KIF13A: variants seen among roughly 807,000 people sequenced by gnomAD.
KIF13A encodes the protein kinesin family member 13A.
In KIF13A, 79 loss-of-function variants were observed where a neutral mutation model predicts 212.2. The observed-to-expected ratio is 0.37, with a 90% CI of 0.31 to 0.45. KIF13A has a LOEUF of 0.45. Among genes scored for constraint, KIF13A ranks in the 20% least tolerant of loss-of-function variants. KIF13A has a pLI of 1.00. For synonymous variants in KIF13A, 789 were observed against 808.6 expected (o/e 0.98, Z 0.41); for missense variants, 1,901 against 2,209.0 (o/e 0.86, Z 2.79).
rs139690937 is a variant in KIF13A at position 17,870,624 on chromosome 6, T to A, written c.220+2753A>T. 9.4e-3 allele frequency among the ~76,000 whole-genome samples: 1,439 copies of A among 152,316 alleles called. 88 individuals are homozygous for A. The highest frequency in any genetic ancestry group is 0.082 in the Admixed American group (1,261 of 15,288). On this transcript the variant is annotated intron_variant, in intron 4 of 38. Transcript: ENST00000259711. ...AACCACCTCACTCCAATAGCCCCTA[T>A]TTTTCACCATATTAGTCTGAAGTTC...
At chr6:17,975,284 T>C (rs540014703) in intron 2 of KIF13A, among the ~76,000 whole-genome samples, 1 of 152,076 alleles carries the variant, frequency 6.6e-6, no homozygotes, top group East Asian at 1.9e-4. Flanking sequence ...ATCTGGGAGG[T>C]GAAGGTTGCA....
Position 17,971,430 on chromosome 6 carries a change from CT to C in KIF13A, c.146+15623del, listed in dbSNP as rs926969519. Among the ~76,000 whole-genome samples the C allele has an allele frequency of 1.7e-4, 26 of 150,178 alleles. No individual in the cohort carries two copies. Among genetic ancestry groups the C allele is most frequent in the Middle Eastern group, 6.8e-3 (2 of 292 alleles). On this transcript the variant is annotated intron_variant, in intron 2 of 38. Coordinates refer to ENST00000259711, the MANE Select transcript of KIF13A (RefSeq NM_022113.6). This position sits in a 1 kb window ranked among gnomAD's most constrained non-coding sequence, Gnocchi z 4.2. The stretch of plus-strand genomic sequence containing the variant: ...AATTTAGTAGCGGTTTGTTTTTTTC[CT>C]TTTTTTTTGACACAGGGTCTCACTC...
chr6:17,788,440 G>A (rs1761241736), intron 26 of KIF13A, among the ~76,000 whole-genome samples: 1 of 152,136 alleles, frequency 6.6e-6, no homozygotes, highest in African/African-American at 2.4e-5. Flanking sequence ...CATGCAGTCA[G>A]CCATGCTTTA....
At position 17,772,182 on chromosome 6, in the gene KIF13A, T is replaced by C; in HGVS notation, c.4325-123A>G. 2.1e-6 allele frequency: 2 copies of C among 931,348 alleles called. No individual in the cohort carries two copies. Among genetic ancestry groups the C allele is most frequent in the South Asian group, 3.3e-5 (2 of 60,706 alleles). 57.7% of individuals were successfully genotyped at this position (931,348 alleles called of 1,614,324 possible). A position where few individuals can be genotyped will look rare whatever the true frequency, so the allele number is the denominator to read the frequency against. ...AACAATGAAATTCATAGGCTAATAT[T>C]TGGCTAAGCATTAAAACAGATGTAT... On this transcript the variant is annotated intron_variant, in intron 36 of 38. Transcript: ENST00000259711. This position sits in a 1 kb window ranked among gnomAD's most constrained non-coding sequence, Gnocchi z 4.8.
At chr6:17,873,193 A>G in intron 4 of KIF13A, 184 bp downstream of exon 4, 1 of 522,766 alleles carries the variant, frequency 1.9e-6, no homozygotes, top group Non-Finnish European at 3.4e-6. Flanking sequence ...GGATTTTACA[A>G]GTAAGTGGCA....
At chr6:17,852,915 A>C (rs1018454078) in intron 6 of KIF13A, among the ~76,000 whole-genome samples, 3 of 152,182 alleles carry the variant, frequency 2.0e-5, no homozygotes, top group African/African-American at 7.2e-5. Flanking sequence ...GCTCTTTTGA[A>C]TTTTTAAATG....
At position 17,772,037 on chromosome 6, in the gene KIF13A, A is replaced by T; in HGVS notation, c.4347T>A (p.His1449Gln). 1 of 1,613,970 alleles carries T rather than the reference A, an allele frequency of 6.2e-7. No individual in the cohort carries two copies. Among genetic ancestry groups the T allele is most frequent in the Admixed American group, 1.7e-5 (1 of 60,030 alleles). Residue 1449 changes from histidine (H) to glutamine (Q), a missense_variant, in exon 37 of 39, where the codon CAT becomes CAA. This residue lies in a region of KIF13A where 687 missense variants were observed against 759.1 expected (regional missense o/e 0.90). Transcript: ENST00000259711. The surrounding 1 kb of genome is among the most constrained non-coding windows in gnomAD (Gnocchi z 4.8). ...NKEGCTSETP[H>Q]ALTVSPFKAF... ...CTTTAAAAGGGCTGACGGTTAAGGCATGAGGAGTCTCTGATGTACAACCTA... is the reference window on the plus strand; with the variant it reads ...CTTTAAAAGGGCTGACGGTTAAGGCTTGAGGAGTCTCTGATGTACAACCTA...
intron 2 of KIF13A, among the ~76,000 whole-genome samples, chr6:17,909,505 A>T (rs1773832875): frequency 6.6e-6 from 1 of 150,740 alleles, no homozygotes; most frequent in African/African-American, 2.4e-5. Context: ...ACTGCACTCC[A>T]GCCTGGGCAA....
intron 2 of KIF13A, among the ~76,000 whole-genome samples, chr6:17,976,442 T>C (rs1396346769): frequency 6.6e-6 from 1 of 152,162 alleles, no homozygotes; most frequent in Non-Finnish European, 1.5e-5. Flanking sequence ...GCTAAGCCCT[T>C]CATTGCCCGG....
intron 16 of KIF13A, 25 bp from the exon 17 acceptor site, chr6:17,817,258 G>A (rs766005789): frequency 1.2e-6 from 2 of 1,602,500 alleles, no homozygotes; most frequent in Non-Finnish European, 8.5e-7. Context: ...GACAAGGCAA[G>A]GTGTCTTAGT....
rs1333498739 is a variant in KIF13A at position 17,951,497 on chromosome 6, A to C, written c.146+35557T>G. 12 of 449,272 alleles carry C rather than the reference A, an allele frequency of 2.7e-5. No homozygotes were observed. Among genetic ancestry groups the C allele is most frequent in the South Asian group, 4.6e-5 (1 of 21,816 alleles). The allele number at this position is 449,272 out of a possible 1,614,324, so 27.8% of individuals were successfully genotyped here. The stretch of plus-strand genomic sequence containing the variant: ...TATATACCATACAATTTACCCACTA[A>C]AAGTGTCCAATTCAGTGATTTTTAG... On this transcript the variant is annotated intron_variant, in intron 2 of 38. Coordinates refer to ENST00000259711, the MANE Select transcript of KIF13A (RefSeq NM_022113.6). This position sits in a 1 kb window ranked among gnomAD's most constrained non-coding sequence, Gnocchi z 4.9.
rs535071281 is a variant in KIF13A, at chr6:17,930,163, G to A, written c.147-31983C>T. On this transcript the variant is annotated intron_variant, in intron 2 of 38. Transcript: ENST00000259711. ...GCCAAGTGCTACGGAAACTAGAAAGGAGAACAACATTACCCCTTTCCTGGA... is the reference window on the plus strand; with the variant it reads ...GCCAAGTGCTACGGAAACTAGAAAGAAGAACAACATTACCCCTTTCCTGGA... 3.3e-5 allele frequency among the ~76,000 whole-genome samples: 5 copies of A among 152,200 alleles called. No individual in the cohort carries two copies. In the South Asian group the frequency reaches 1.0e-3, roughly 32 times the overall value.
intron 4 of KIF13A, among the ~76,000 whole-genome samples, chr6:17,865,872 C>G (rs142445676): frequency 6.6e-6 from 1 of 152,340 alleles, no homozygotes; most frequent in East Asian, 1.9e-4. Context: ...TGGCTTGCAG[C>G]ATGGCACGGC....
intron 35 of KIF13A, among the ~76,000 whole-genome samples, chr6:17,774,360 G>T (rs1007119274): frequency 2.0e-5 from 3 of 152,098 alleles, no homozygotes; most frequent in African/African-American, 7.2e-5. Flanking sequence ...TATGGTGGAT[G>T]TAACACCTTC....
chr6:17,981,894 A>T (rs554236246), intron 2 of KIF13A, among the ~76,000 whole-genome samples: 2 of 152,284 alleles, frequency 1.3e-5, no homozygotes, highest in African/African-American at 4.8e-5. Context: ...CTAATATTTA[A>T]ATTTCTGGTC....
At chr6:17,949,916 C>T (rs1777716838) in intron 2 of KIF13A, among the ~76,000 whole-genome samples, 1 of 152,080 alleles carries the variant, frequency 6.6e-6, no homozygotes, top group Admixed American at 6.6e-5. Context: ...TTTTCACATT[C>T]ATAAAACACA....
rs181068462 is a variant in KIF13A, at chr6:17,856,412, G to A, written c.221-290C>T. ...ATGGAAGCAGCATTCAAATTTGGTT[G>A]TTTTTTCTTATGACTAATATCTACA... On this transcript the variant is annotated intron_variant, in intron 4 of 38. Transcript: ENST00000259711. The surrounding 1 kb of genome is among the most constrained non-coding windows in gnomAD (Gnocchi z 4.5). 1.2e-3 allele frequency among the ~76,000 whole-genome samples: 183 copies of A among 152,248 alleles called. No homozygotes were observed. The highest frequency in any genetic ancestry group is 1.9e-3 in the Non-Finnish European group (129 of 68,008).
chr6:17,770,360 G>GTTTTTTTTTTTTT (rs1486324465), intron 38 of KIF13A: 1 of 59,198 alleles, frequency 1.7e-5, no homozygotes, highest in East Asian at 6.2e-4. Context: ...GAATAAACAG[G>GTTTTTTTTTTTTT]ATTTTTTTTT....
At chr6:17,976,205 T>A (rs561783394) in intron 2 of KIF13A, among the ~76,000 whole-genome samples, 1 of 152,226 alleles carries the variant, frequency 6.6e-6, no homozygotes, top group East Asian at 1.9e-4. Flanking sequence ...AGCCCTTGGG[T>A]GGTCGATGGG....
Sources: allele counts gnomAD v4.1 joint callset (sites outside exome capture counted in the v4.1 genomes callset), GRCh38; gene constraint gnomAD v4.1.1; regional missense constraint gnomAD v4.1.1; non-coding constraint Gnocchi (gnomAD v3.1); transcripts MANE v1.5; gene names NCBI Gene and HGNC (gene_info 2026-07-23, HGNC 2026-07-21).